CBL: variants seen among roughly 807,000 people sequenced by gnomAD.
CBL encodes E3 ubiquitin-protein ligase CBL.
In CBL, 45 loss-of-function variants were observed where a neutral mutation model predicts 96.9. The observed-to-expected ratio is 0.46, with a 90% confidence interval of 0.37 to 0.60. CBL has a LOEUF of 0.60. Ranked by LOEUF, CBL falls within the 20% of genes least tolerant of loss-of-function variation. The pLI, the probability that CBL is intolerant of heterozygous loss-of-function variation, is 0.00. For missense variants in CBL, 1,024 were observed against 1,143.5 expected (o/e 0.90, Z 1.51); for synonymous variants, 420 against 426.8 (o/e 0.98, Z 0.20).
At chr11:119,249,428 G>A (rs904109766) in intron 2 of CBL, among the ~76,000 whole-genome samples, 3 of 151,834 alleles carry the variant, frequency 2.0e-5, no homozygotes, top group Admixed American at 1.3e-4. Flanking sequence ...GGTGGCACAC[G>A]CCTGTAATCC....
rs1482168482 is a variant in CBL at position 119,303,275 on chromosome 11, CTCT to C, written c.*3499_*3501del. ...ATAGACCTTCTCAAACTATAAGTCC[CTCT>C]TCTTGCCGTTGGCCTTTCTGACTCT... is the stretch of plus-strand genomic sequence containing the variant. On this transcript the variant is annotated 3_prime_UTR_variant, in exon 16 of 16. Coordinates refer to ENST00000264033, the MANE Select transcript of CBL (RefSeq NM_005188.4). The C allele has an allele frequency of 8.6e-6, 2 of 232,698 alleles. No individual in the cohort carries two copies. The highest frequency in any genetic ancestry group is 1.7e-5 in the Non-Finnish European group (2 of 117,530). The allele number at this position is 232,698 out of a possible 1,614,324, so 14.4% of individuals were successfully genotyped here.
intron 2 of CBL, among the ~76,000 whole-genome samples, chr11:119,270,241 C>CTTT (rs768214554): frequency 1.0e-4 from 12 of 119,794 alleles, no homozygotes; most frequent in South Asian, 2.7e-4. Flanking sequence ...TGTGTGACAT[C>CTTT]TTTTTTTTTT....
chr11:119,278,682 T>C lies in CBL; in HGVS notation c.1400T>C (p.Leu467Pro), dbSNP rs1385198964. Residue 467 changes from leucine (L) to proline (P), a missense_variant, in exon 9 of 16, where the codon CTC (leucine) becomes CCC (proline). Physicochemically the swap from Leu to Pro is moderately conservative, Grantham distance 98 (BLOSUM62 -3). This residue lies in a region of CBL where 695 missense variants were observed against 661.6 expected (regional missense o/e 1.05). Coordinates refer to ENST00000264033, the MANE Select transcript of CBL (RefSeq NM_005188.4). ...DDDDERADDTLFMMKELAGAK... is the reference protein window; with the variant it reads ...DDDDERADDTPFMMKELAGAK... Reference sequence around the variant, plus strand: ...GATGATGAACGAGCTGATGATACTCTCTTCATGATGAAGGAATTGGCTGGT... The same window carrying C: ...GATGATGAACGAGCTGATGATACTCCCTTCATGATGAAGGAATTGGCTGGT... The C allele has an allele frequency of 4.3e-6, 7 of 1,614,122 alleles. No individual in the cohort carries two copies. Among genetic ancestry groups the C allele is most frequent in the Non-Finnish European group, 5.9e-6 (7 of 1,180,020 alleles).
At position 119,298,505 on chromosome 11, in the gene CBL, T is replaced by C; in HGVS notation, c.2399T>C (p.Phe800Ser). 1 of 1,614,214 alleles carries C rather than the reference T, an allele frequency of 6.2e-7. No homozygotes were observed. Among genetic ancestry groups the C allele is most frequent in the Non-Finnish European group, 8.5e-7 (1 of 1,180,034 alleles). ...LSDISNASSS[F>S]GWLSLDGDPT... ...GATATCTCTAATGCCAGCTCCTCCT[T>C]TGGCTGGTTGTCTCTGGATGGTGAT... The change falls in exon 15 of 16, where the codon TTT becomes TCT. Residue 800 changes from phenylalanine to serine, a missense_variant. This residue lies in a region of CBL where 695 missense variants were observed against 661.6 expected (regional missense o/e 1.05). Coordinates refer to ENST00000264033, the MANE Select transcript of CBL (RefSeq NM_005188.4).
chr11:119,296,260 T>C (rs1950061723), intron 12 of CBL, among the ~76,000 whole-genome samples: 3 of 152,218 alleles, frequency 2.0e-5, no homozygotes, highest in Non-Finnish European at 4.4e-5. Context: ...TGTGTCTTTT[T>C]TTCCCCCCTA....
intron 1 of CBL, among the ~76,000 whole-genome samples, chr11:119,218,409 A>G (rs1436677973): frequency 6.6e-6 from 1 of 152,226 alleles, no homozygotes; most frequent in East Asian, 1.9e-4. Flanking sequence ...TGGCATCTAA[A>G]AGTGATACTA....
rs191675649 is a variant in CBL, at chr11:119,281,641, C to T, written c.1431+2928C>T. Among the ~76,000 whole-genome samples the T allele has an allele frequency of 7.3e-3, 1,116 of 151,992 alleles. 11 individuals carry two copies. Among genetic ancestry groups the T allele is most frequent in the African/African-American group, 0.022 (900 of 41,448 alleles). ...TCCTGAGTAGCTGGGACTACAGGCGCCTGCCACCACGCCTGGCTAATTTTT... is the reference window on the plus strand; with the variant it reads ...TCCTGAGTAGCTGGGACTACAGGCGTCTGCCACCACGCCTGGCTAATTTTT... On this transcript the variant is annotated intron_variant, in intron 9 of 15. Coordinates refer to ENST00000264033, the MANE Select transcript of CBL (RefSeq NM_005188.4).
intron 2 of CBL, among the ~76,000 whole-genome samples, chr11:119,236,622 T>TATATAC (rs398017756): frequency 5.5e-4 from 80 of 144,352 alleles, no homozygotes; most frequent in African/African-American, 2.0e-3. Flanking sequence ...TATATATATA[T>TATATAC]ACCCATAGGA....
Position 119,307,303 on chromosome 11 carries a change from TC to T in CBL, c.*7524del. The T allele has an allele frequency of 4.3e-6, 1 of 232,916 alleles. No individual in the cohort carries two copies. Among genetic ancestry groups the T allele is most frequent in the Admixed American group, 5.6e-5 (1 of 17,790 alleles). 14.4% of individuals were successfully genotyped at this position (232,916 alleles called of 1,614,324 possible). On this transcript the variant is annotated 3_prime_UTR_variant, in exon 16 of 16. Transcript: ENST00000264033. Reference sequence around the variant, plus strand: ...GGTAAACTCTGGACCATTCCAAGTGTCCTAGCCTTCTGATGACATTAATTAC... The same window carrying T: ...GGTAAACTCTGGACCATTCCAAGTGTCTAGCCTTCTGATGACATTAATTAC...
chr11:119,282,780 T>G (rs1295340475), intron 9 of CBL, among the ~76,000 whole-genome samples: 1 of 152,090 alleles, frequency 6.6e-6, no homozygotes, highest in Non-Finnish European at 1.5e-5. Flanking sequence ...GGAAGTTCAC[T>G]AGGTTGTTTT....
intron 2 of CBL, among the ~76,000 whole-genome samples, chr11:119,240,930 A>C (rs894318499): frequency 3.9e-5 from 6 of 151,948 alleles, no homozygotes. Context: ...AAAATTAGCC[A>C]GGTGTGGTAG....
intron 2 of CBL, among the ~76,000 whole-genome samples, chr11:119,254,128 C>T (rs1949693208): frequency 6.6e-6 from 1 of 151,982 alleles, no homozygotes. Context: ...GCAAGAGGAT[C>T]ACTTGAGGCC....
intron 2 of CBL, among the ~76,000 whole-genome samples, chr11:119,265,570 G>A (rs760535536): frequency 6.6e-6 from 1 of 152,122 alleles, no homozygotes; most frequent in Non-Finnish European, 1.5e-5. Flanking sequence ...GGGCAATATA[G>A]TGAGACCCCC....
chr11:119,234,437 T>C (rs991683886), intron 2 of CBL, among the ~76,000 whole-genome samples: 1 of 152,250 alleles, frequency 6.6e-6, no homozygotes, highest in Non-Finnish European at 1.5e-5. Flanking sequence ...AAACCTCGAC[T>C]GTATGGACCT....
chr11:119,232,723 T>C (rs1348226890), intron 2 of CBL, 28 bp downstream of exon 2: 2 of 1,608,066 alleles, frequency 1.2e-6, no homozygotes, highest in African/African-American at 1.3e-5. Flanking sequence ...CACAAATAAT[T>C]ATGCAGGTCT....
At chr11:119,218,646 T>C (rs964041171) in intron 1 of CBL, among the ~76,000 whole-genome samples, 1 of 151,826 alleles carries the variant, frequency 6.6e-6, no homozygotes, top group Admixed American at 6.6e-5. Flanking sequence ...TAGTAGTGTA[T>C]CTACACCGTC....
rs368011827 is a variant in CBL at position 119,239,779 on chromosome 11, T to G, written c.443+7084T>G. Among the ~76,000 whole-genome samples the G allele has an allele frequency of 9.9e-5, 15 of 152,082 alleles. No homozygotes were observed. The East Asian group carries it at 2.1e-3, about 22-fold the overall frequency. On this transcript the variant is annotated intron_variant, in intron 2 of 15. Transcript: ENST00000264033. Reference sequence around the variant, plus strand: ...CATGTCTTGTTTTTCAGTTTTTGGTTGTTGTTTTTTTTTTGCTTTTTTGTT... The same window carrying G: ...CATGTCTTGTTTTTCAGTTTTTGGTGGTTGTTTTTTTTTTGCTTTTTTGTT...
In CBL at chr11:119,281,494, C is replaced by CT. The variant is rs34775460; in HGVS notation, c.1431+2799dup. On this transcript the variant is annotated intron_variant, in intron 9 of 15. Coordinates refer to ENST00000264033, the MANE Select transcript of CBL (RefSeq NM_005188.4). Reference sequence around the variant, plus strand: ...TTCCTTTCCCTCTGTCACCAAAAGCCTTTTTTTTTTTTTTTTTTGAGACAG... The same window carrying CT: ...TTCCTTTCCCTCTGTCACCAAAAGCCTTTTTTTTTTTTTTTTTTTGAGACAG... Among the ~76,000 whole-genome samples the CT allele has an allele frequency of 9.2e-3, 1,157 of 125,798 alleles. 11 individuals are homozygous for CT. The highest frequency in any genetic ancestry group is 0.012 in the Middle Eastern group (3 of 248). The allele number at this position is 125,798 out of a possible 152,430, so 82.5% of individuals were successfully genotyped here. A position where few individuals can be genotyped will look rare whatever the true frequency, so the allele number is the denominator to read the frequency against.
At chr11:119,257,410 T>C (rs1211409488) in intron 2 of CBL, among the ~76,000 whole-genome samples, 5 of 152,358 alleles carry the variant, frequency 3.3e-5, no homozygotes, top group South Asian at 2.1e-4. Context: ...ATATCTTCTT[T>C]AGAGAAATGC....
Sources: allele counts gnomAD v4.1 joint callset (sites outside exome capture counted in the v4.1 genomes callset), GRCh38; gene constraint gnomAD v4.1.1; regional missense constraint gnomAD v4.1.1; transcripts MANE v1.5; gene names NCBI Gene and HGNC (gene_info 2026-07-23, HGNC 2026-07-21).